LINC02747: variants seen among roughly 807,000 people sequenced by gnomAD.
LINC02747 encodes CCND1-upstream intergenic DNA repair 2.
At chr11:69,480,957 G>A (rs61593241) in intron 1 of LINC02747, among the ~76,000 whole-genome samples, 5,694 of 152,300 alleles carry the variant, frequency 0.037, 388 homozygotes, top group East Asian at 0.25. Context: ...ACCTAGCCCA[G>A]GGACAGAGCC....
At chr11:69,480,252 C>T (rs529061317) in intron 1 of LINC02747, among the ~76,000 whole-genome samples, 2 of 152,298 alleles carry the variant, frequency 1.3e-5, no homozygotes, top group South Asian at 2.1e-4. Context: ...AGCCAGCAGC[C>T]GGTTCCCAAC....
intron 1 of LINC02747, among the ~76,000 whole-genome samples, chr11:69,478,272 G>A (rs1857014584): frequency 6.6e-6 from 1 of 152,196 alleles, no homozygotes. Context: ...CAACAACGGA[G>A]TGGAGGCTGG....
chr11:69,478,340 C>T (rs903437352), intron 1 of LINC02747, among the ~76,000 whole-genome samples: 1 of 152,024 alleles, frequency 6.6e-6, no homozygotes, highest in African/African-American at 2.4e-5. Flanking sequence ...CGAGAGGGAT[C>T]GGAGTCCCCA....
At chr11:69,476,968 A>G (rs1478443248) in exon 2 of LINC02747, 1 of 152,300 alleles carries the variant, frequency 6.6e-6, no homozygotes, top group Non-Finnish European at 1.5e-5. Flanking sequence ...GGCCAGGGCC[A>G]GTGGGCTTCC....
intron 1 of LINC02747, among the ~76,000 whole-genome samples, chr11:69,479,065 G>T (rs1857022644): frequency 6.6e-6 from 1 of 151,922 alleles, no homozygotes; most frequent in African/African-American, 2.4e-5. Flanking sequence ...GACTAGCCTG[G>T]CCAATGTGAT....
At chr11:69,478,767 G>A (rs1295177825) in intron 1 of LINC02747, among the ~76,000 whole-genome samples, 3 of 152,094 alleles carry the variant, frequency 2.0e-5, no homozygotes, top group African/African-American at 4.8e-5. Context: ...CCCAGGAGTC[G>A]AGGCAGGAGA....
intron 1 of LINC02747, among the ~76,000 whole-genome samples, chr11:69,477,953 C>T (rs985665583): frequency 3.3e-5 from 5 of 152,144 alleles, no homozygotes; most frequent in African/African-American, 4.8e-5. Flanking sequence ...GCCCGTGGCC[C>T]CTGTGGTGGG....
chr11:69,478,756 A>C (rs568099382), intron 1 of LINC02747, among the ~76,000 whole-genome samples: 26 of 152,068 alleles, frequency 1.7e-4, no homozygotes, highest in African/African-American at 6.0e-4. Flanking sequence ...AATGGCTTAA[A>C]CCCAGGAGTC....
chr11:69,477,566 A>T (rs1857007723), exon 2 of LINC02747: 1 of 152,186 alleles, frequency 6.6e-6, no homozygotes, highest in African/African-American at 2.4e-5. Flanking sequence ...AGGAGAGAGA[A>T]GGCTCCGGGA....
exon 2 of LINC02747, chr11:69,477,374 C>A (rs540275034): frequency 6.6e-6 from 1 of 152,430 alleles, no homozygotes; most frequent in South Asian, 2.1e-4. Context: ...TTGCCCTCTG[C>A]CTCTTCTCAT....
intron 1 of LINC02747, among the ~76,000 whole-genome samples, chr11:69,479,219 C>T (rs1031306333): frequency 1.4e-5 from 2 of 144,584 alleles, no homozygotes; most frequent in African/African-American, 2.6e-5. Context: ...CGCGCCACTG[C>T]CCTCCAGCCT....
At chr11:69,478,380 C>T (rs1201419516) in intron 1 of LINC02747, among the ~76,000 whole-genome samples, 2 of 152,200 alleles carry the variant, frequency 1.3e-5, no homozygotes, top group South Asian at 2.1e-4. Flanking sequence ...CCCCCGCCTC[C>T]ACCCCTGTGC....
chr11:69,477,303 A>G (rs1314923399), exon 2 of LINC02747: 1 of 152,206 alleles, frequency 6.6e-6, no homozygotes, highest in Non-Finnish European at 1.5e-5. Flanking sequence ...CATCGCATGC[A>G]CACGTCACCG....
chr11:69,481,261 C>T (rs1403005651), intron 1 of LINC02747, among the ~76,000 whole-genome samples: 1 of 152,220 alleles, frequency 6.6e-6, no homozygotes, highest in African/African-American at 2.4e-5. Flanking sequence ...TAGAATGGGG[C>T]TTGTGATGGC....
chr11:69,479,201 G>A (rs1274612864), intron 1 of LINC02747, among the ~76,000 whole-genome samples: 6 of 139,828 alleles, frequency 4.3e-5, no homozygotes, highest in Non-Finnish European at 7.5e-5. Flanking sequence ...GTTGCAGTGA[G>A]CCAAGATCGC....
chr11:69,480,381 G>A (rs983602888), intron 1 of LINC02747, among the ~76,000 whole-genome samples: 2 of 152,198 alleles, frequency 1.3e-5, no homozygotes, highest in African/African-American at 4.8e-5. Flanking sequence ...GCCCCTGGGT[G>A]TGCGGCTGCA....
intron 1 of LINC02747, among the ~76,000 whole-genome samples, chr11:69,481,006 G>C (rs1857043455): frequency 6.6e-6 from 1 of 152,210 alleles, no homozygotes; most frequent in Non-Finnish European, 1.5e-5. Flanking sequence ...TGTGTAACAG[G>C]TGCCAGGCAC....
At chr11:69,480,185 C>T (rs1857035996) in intron 1 of LINC02747, among the ~76,000 whole-genome samples, 1 of 152,202 alleles carries the variant, frequency 6.6e-6, no homozygotes, top group Non-Finnish European at 1.5e-5. Flanking sequence ...CCTCCTCTCT[C>T]CCAGGGGAAG....
At chr11:69,480,797 G>A (rs1857041670) in intron 1 of LINC02747, among the ~76,000 whole-genome samples, 3 of 152,206 alleles carry the variant, frequency 2.0e-5, no homozygotes, top group Admixed American at 6.5e-5. Flanking sequence ...CTCATCATGT[G>A]GAAGAGTTTC....
Sources: gnomAD v4.1 joint callset for allele counts (sites outside exome capture counted in the v4.1 genomes callset) on GRCh38, gnomAD v4.1.1 for gene constraint, MANE v1.5 for transcripts, NCBI Gene and HGNC (gene_info 2026-07-23, HGNC 2026-07-21) for gene names.